Variants in PABPC4L observed in about 807,000 individuals in gnomAD.
The protein encoded by PABPC4L is polyadenylate-binding protein 4-like.
For synonymous variants in PABPC4L, 169 were observed against 164.1 expected (o/e 1.03, Z -0.23); for missense variants, 452 against 451.4 (o/e 1.00, Z -0.01).
the PABPC4L span, among the ~76,000 whole-genome samples, chr4:134,061,624 GAGAGAGAGAGAGAGAGA>G: frequency 7.7e-5 from 1 of 12,942 alleles, no homozygotes; most frequent in Non-Finnish European, 1.3e-4. Flanking sequence ...CATACACAGA[GAGAGAGAGAGAGAGAGA>G]GAGAGAGAGA....
At chr4:134,079,692 T>G in the PABPC4L span, among the ~76,000 whole-genome samples, 15 of 149,628 alleles carry the variant, frequency 1.0e-4, no homozygotes, top group Non-Finnish European at 2.1e-4. Context: ...TGTGTCTGTG[T>G]GTGTGAGAGA....
the PABPC4L span, among the ~76,000 whole-genome samples, chr4:133,955,099 T>A: frequency 2.0e-5 from 3 of 151,638 alleles, no homozygotes; most frequent in African/African-American, 7.3e-5. Context: ...ATGAGAAAAA[T>A]TGATCACTCA....
the PABPC4L span, among the ~76,000 whole-genome samples, chr4:134,126,664 A>G: frequency 1.3e-5 from 2 of 152,132 alleles, no homozygotes; most frequent in Non-Finnish European, 2.9e-5. Flanking sequence ...TTTTCCTTAA[A>G]AAATGTAGAG....
the PABPC4L span, among the ~76,000 whole-genome samples, chr4:134,126,855 G>C: frequency 1.3e-5 from 2 of 152,128 alleles, no homozygotes; most frequent in Admixed American, 1.3e-4. Flanking sequence ...TGCTTTCTAA[G>C]ATGGGAGGCT....
the PABPC4L span, among the ~76,000 whole-genome samples, chr4:134,030,778 A>G: frequency 6.6e-6 from 1 of 152,084 alleles, no homozygotes; most frequent in African/African-American, 2.4e-5. Context: ...AAAACTGAAG[A>G]TAGCAAATTA....
chr4:134,053,271 T>G, the PABPC4L span, among the ~76,000 whole-genome samples: 1 of 152,160 alleles, frequency 6.6e-6, no homozygotes, highest in Admixed American at 6.6e-5. Flanking sequence ...TGGTTTTATA[T>G]GCACAACTGC....
At chr4:134,123,532 T>C in the PABPC4L span, among the ~76,000 whole-genome samples, 1 of 152,004 alleles carries the variant, frequency 6.6e-6, no homozygotes, top group Admixed American at 6.6e-5. Context: ...ATCGATTTAG[T>C]GGTTACAAAG....
chr4:133,963,283 G>A, the PABPC4L span, among the ~76,000 whole-genome samples: 1 of 152,160 alleles, frequency 6.6e-6, no homozygotes, highest in Admixed American at 6.5e-5. Context: ...TGTCCAACAG[G>A]AAAATATTAC....
chr4:133,967,306 AAAAC>A, the PABPC4L span, among the ~76,000 whole-genome samples: 1,783 of 152,142 alleles, frequency 0.012, 30 homozygotes, highest in African/African-American at 0.04. Context: ...CCCAGACTCA[AAAAC>A]AAACAAACAA....
chr4:133,980,564 C>T, the PABPC4L span, among the ~76,000 whole-genome samples: 1 of 152,084 alleles, frequency 6.6e-6, no homozygotes, highest in African/African-American at 2.4e-5. Flanking sequence ...GAAAGAGAAA[C>T]TTCTAGTTAC....
At chr4:134,041,191 A>G in the PABPC4L span, among the ~76,000 whole-genome samples, 3 of 152,122 alleles carry the variant, frequency 2.0e-5, no homozygotes, top group Non-Finnish European at 4.4e-5. Flanking sequence ...CTGGAATTAG[A>G]AATAGCATTT....
At chr4:133,974,711 A>G in the PABPC4L span, among the ~76,000 whole-genome samples, 1 of 152,254 alleles carries the variant, frequency 6.6e-6, no homozygotes, top group East Asian at 1.9e-4. Context: ...GGGTCAAGTA[A>G]TTTTAACATA....
At chr4:134,087,301 A>G in the PABPC4L span, among the ~76,000 whole-genome samples, 724 of 152,184 alleles carry the variant, frequency 4.8e-3, 7 homozygotes, top group African/African-American at 0.017. Context: ...GAAATTGGAA[A>G]TCATCATTCT....
the PABPC4L span, among the ~76,000 whole-genome samples, chr4:134,084,010 T>C: frequency 6.6e-6 from 1 of 152,168 alleles, no homozygotes; most frequent in East Asian, 1.9e-4. Context: ...TGTGAAATCA[T>C]AAGAACACTA....
the PABPC4L span, among the ~76,000 whole-genome samples, chr4:133,962,596 A>G: frequency 6.6e-6 from 1 of 152,186 alleles, no homozygotes; most frequent in Admixed American, 6.5e-5. Flanking sequence ...TAACCTATAA[A>G]GGAAAACCTA....
the PABPC4L span, among the ~76,000 whole-genome samples, chr4:134,153,669 A>ATAGT: frequency 3.1e-4 from 47 of 151,696 alleles, no homozygotes; most frequent in African/African-American, 1.0e-3. Context: ...TTTTCTTAAG[A>ATAGT]TAGAGTCTTG....
chr4:134,140,580 G>T, the PABPC4L span, among the ~76,000 whole-genome samples: 1 of 151,864 alleles, frequency 6.6e-6, no homozygotes, highest in Non-Finnish European at 1.5e-5. Context: ...TGTATAATAA[G>T]GTAGGGTGGA....
At chr4:134,051,945 C>T in the PABPC4L span, among the ~76,000 whole-genome samples, 1 of 152,014 alleles carries the variant, frequency 6.6e-6, no homozygotes, top group African/African-American at 2.4e-5. Context: ...TTAAATGGTA[C>T]TTGCTTTTCT....
chr4:134,123,747 T>A, the PABPC4L span, among the ~76,000 whole-genome samples: 1 of 151,844 alleles, frequency 6.6e-6, no homozygotes, highest in Non-Finnish European at 1.5e-5. Flanking sequence ...TTTTAATTTT[T>A]AAAAAATGCC....
Sources: allele counts gnomAD v4.1 joint callset (sites outside exome capture counted in the v4.1 genomes callset), GRCh38; gene constraint gnomAD v4.1.1; transcripts MANE v1.5; gene names NCBI Gene and HGNC (gene_info 2026-07-23, HGNC 2026-07-21).